The following DGLUCY variants were observed in gnomAD, a reference collection of about 807,000 sequenced individuals.
The protein encoded by DGLUCY is D-glutamate cyclase, mitochondrial.
A neutral mutation model predicts 58.5 loss-of-function variants in DGLUCY; 58 were observed. The observed-to-expected ratio is 0.99, with a 90% confidence interval of 0.80 to 1.23. DGLUCY has a LOEUF of 1.23. DGLUCY is among the 50% of genes most tolerant of loss of function. The pLI, the probability that DGLUCY is intolerant of heterozygous loss-of-function variation, is 0.00. For missense variants in DGLUCY, 779 were observed against 784.7 expected, an observed-to-expected ratio of 0.99 and a Z score of 0.09; for synonymous variants, 325 against 314.1, an observed-to-expected ratio of 1.03 and a Z score of -0.37.
At chr14:91,088,196 G>A (rs1041459943) in intron 1 of DGLUCY, among the ~76,000 whole-genome samples, 5 of 152,104 alleles carry the variant, frequency 3.3e-5, no homozygotes, top group African/African-American at 7.2e-5. Flanking sequence ...GTTTTGGAGC[G>A]CCAAGGAATT....
At chr14:91,163,625 G>C (rs532259946) in intron 3 of DGLUCY, among the ~76,000 whole-genome samples, 1 of 152,208 alleles carries the variant, frequency 6.6e-6, no homozygotes, top group African/African-American at 2.4e-5. Flanking sequence ...TCCCCTCCTA[G>C]GGAAACCCAG....
chr14:91,224,317 C>A (rs535393131), intron 13 of DGLUCY, among the ~76,000 whole-genome samples: 4 of 152,270 alleles, frequency 2.6e-5, no homozygotes, highest in African/African-American at 9.6e-5. Flanking sequence ...CACTTGAGGC[C>A]AGGAGTTCAA....
chr14:91,188,419 G>C (rs1030797433), intron 8 of DGLUCY, among the ~76,000 whole-genome samples: 4 of 152,162 alleles, frequency 2.6e-5, no homozygotes, highest in African/African-American at 9.7e-5. Context: ...CAGGGGGCGG[G>C]GGTAGAATAC....
At chr14:91,093,261 T>C (rs1478480355) in intron 1 of DGLUCY, among the ~76,000 whole-genome samples, 1 of 152,086 alleles carries the variant, frequency 6.6e-6, no homozygotes, top group African/African-American at 2.4e-5. Context: ...TTACATGTTG[T>C]GTATTATTTA....
intron 1 of DGLUCY, among the ~76,000 whole-genome samples, chr14:91,070,599 G>A (rs759598713): frequency 6.6e-5 from 10 of 152,148 alleles, no homozygotes; most frequent in Non-Finnish European, 1.3e-4. Flanking sequence ...GGAAAAAACT[G>A]AGTGGCAAAT....
intron 1 of DGLUCY, among the ~76,000 whole-genome samples, chr14:91,133,870 G>A (rs953055711): frequency 3.3e-5 from 5 of 152,268 alleles, no homozygotes; most frequent in African/African-American, 9.6e-5. Context: ...ATCTCACTGT[G>A]GTTTTGATTT....
chr14:91,071,334 C>CAAAAA (rs3086750), intron 1 of DGLUCY, among the ~76,000 whole-genome samples: 12 of 84,184 alleles, frequency 1.4e-4, no homozygotes, highest in African/African-American at 1.8e-4. Flanking sequence ...GAGATTCCAC[C>CAAAAA]AAAAAAAAAA....
intron 1 of DGLUCY, among the ~76,000 whole-genome samples, chr14:91,065,932 C>T (rs1167551911): frequency 6.6e-6 from 1 of 152,138 alleles, no homozygotes; most frequent in Non-Finnish European, 1.5e-5. Flanking sequence ...AAAGTCACTG[C>T]TCCCTCCTGC....
At chr14:91,168,471 G>A (rs144848291) in intron 4 of DGLUCY, among the ~76,000 whole-genome samples, 4 of 152,124 alleles carry the variant, frequency 2.6e-5, no homozygotes, top group African/African-American at 9.6e-5. Flanking sequence ...AAGGTCCTTT[G>A]GAGACCCCAT....
intron 8 of DGLUCY, among the ~76,000 whole-genome samples, chr14:91,185,132 C>T (rs1472862215): frequency 1.3e-5 from 2 of 151,980 alleles, no homozygotes; most frequent in Non-Finnish European, 2.9e-5. Context: ...CCATGTCTGG[C>T]TAATTTTTGT....
intron 1 of DGLUCY, among the ~76,000 whole-genome samples, chr14:91,138,852 G>A (rs981168428): frequency 6.6e-6 from 1 of 152,012 alleles, no homozygotes; most frequent in African/African-American, 2.4e-5. Flanking sequence ...ATATCAGATG[G>A]GGCATGAATC....
At chr14:91,218,563 C>T (rs994063386) in intron 13 of DGLUCY, among the ~76,000 whole-genome samples, 3 of 151,802 alleles carry the variant, frequency 2.0e-5, no homozygotes, top group African/African-American at 4.8e-5. Flanking sequence ...CCACCACACC[C>T]GGCTAATTTT....
At chr14:91,172,406 ACATTT>A (rs1392803335) in intron 5 of DGLUCY, among the ~76,000 whole-genome samples, 2 of 152,100 alleles carry the variant, frequency 1.3e-5, no homozygotes, top group Non-Finnish European at 2.9e-5. Context: ...ACCTCAACTC[ACATTT>A]AGCATTTCCT....
chr14:91,216,793 G>A (rs535187220), intron 13 of DGLUCY, among the ~76,000 whole-genome samples: 16 of 152,290 alleles, frequency 1.1e-4, no homozygotes, highest in East Asian at 3.9e-4. Flanking sequence ...CCCATGCTCC[G>A]AAGTGTTGTT....
At chr14:91,220,091 T>C (rs1208858851) in intron 13 of DGLUCY, among the ~76,000 whole-genome samples, 1 of 152,218 alleles carries the variant, frequency 6.6e-6, no homozygotes, top group African/African-American at 2.4e-5. Flanking sequence ...GTTTGTGGAC[T>C]TCTCTGTTTC....
At chr14:91,062,475 C>A (rs2043717768) in intron 1 of DGLUCY, among the ~76,000 whole-genome samples, 2 of 142,082 alleles carry the variant, frequency 1.4e-5, no homozygotes, top group South Asian at 4.5e-4. Context: ...TTGAATCTGG[C>A]AGGCGGAGGT....
At chr14:91,066,244 G>A (rs1337132058) in intron 1 of DGLUCY, among the ~76,000 whole-genome samples, 1 of 152,090 alleles carries the variant, frequency 6.6e-6, no homozygotes, top group Admixed American at 6.6e-5. Flanking sequence ...CGGGCCTGGT[G>A]GCACATGCCT....
At chr14:91,176,235 A>T (rs28368796) in intron 7 of DGLUCY, among the ~76,000 whole-genome samples, 179 bp downstream of exon 7, 2,365 of 151,290 alleles carry the variant, frequency 0.016, 66 homozygotes, top group African/African-American at 0.053. Flanking sequence ...TTATTTATTT[A>T]TTTTTTTTTG....
Position 91,221,303 on chromosome 14 carries a change from T to C in DGLUCY, c.1717-3381T>C, listed in dbSNP as rs545199697. On this transcript the variant is annotated intron_variant, in intron 13 of 13. Transcript: ENST00000256324. ...TCTTGGAGGAACAAATGATGACTTA[T>C]TTGTCCCTACTTCAGAGCCTGGCCC... 4.6e-5 allele frequency among the ~76,000 whole-genome samples: 7 copies of C among 152,308 alleles called. No individual in the cohort carries two copies. The East Asian group carries it at 1.2e-3, about 25-fold the overall frequency.
Sources: gnomAD v4.1 joint callset for allele counts (sites outside exome capture counted in the v4.1 genomes callset) on GRCh38, gnomAD v4.1.1 for gene constraint, MANE v1.5 for transcripts, NCBI Gene and HGNC (gene_info 2026-07-23, HGNC 2026-07-21) for gene names.